Variants in PIP5K1C observed in about 807,000 individuals in gnomAD.
PIP5K1C encodes the protein phosphatidylinositol 4-phosphate 5-kinase type-1 gamma.
In PIP5K1C, 45 loss-of-function variants were observed where a neutral mutation model predicts 80.1. The observed-to-expected ratio is 0.56, with a 90% confidence interval of 0.44 to 0.72. The LOEUF (loss-of-function observed/expected upper bound fraction) is 0.72, where lower values mean the gene tolerates loss of function less well. PIP5K1C is among the 30% of genes least tolerant of loss of function. The probability of loss-of-function intolerance (pLI) is 0.00; values close to 1 mark genes in which losing one functional copy is unlikely to be tolerated. For synonymous variants in PIP5K1C, 498 were observed against 420.1 expected (o/e 1.19, Z -2.27); for missense variants, 753 against 954.6 (o/e 0.79, Z 2.78).
intron 5 of PIP5K1C, among the ~76,000 whole-genome samples, chr19:3,658,432 A>G (rs572140408): frequency 6.6e-6 from 1 of 152,128 alleles, no homozygotes; most frequent in African/African-American, 2.4e-5. Context: ...GCCCACAGCC[A>G]CGAGCCACAA....
chr19:3,682,198 G>A (rs1328519894), intron 1 of PIP5K1C, among the ~76,000 whole-genome samples: 2 of 151,714 alleles, frequency 1.3e-5, no homozygotes, highest in Non-Finnish European at 2.9e-5. Context: ...ACATGGTGAG[G>A]CCCCGTCTCT....
chr19:3,655,273 C>G (rs1263473270), intron 6 of PIP5K1C, among the ~76,000 whole-genome samples: 1 of 151,860 alleles, frequency 6.6e-6, no homozygotes, highest in African/African-American at 2.4e-5. Flanking sequence ...AAAAAAATAG[C>G]CAGGCGTGGT....
rs568168455 is a variant in PIP5K1C, at chr19:3,637,524, G to C, written c.1920+1360C>G. On this transcript the variant is annotated intron_variant, in intron 16 of 17. Transcript: ENST00000335312. The surrounding 1 kb of genome is among the most constrained non-coding windows in gnomAD (Gnocchi z 7.0). ...CCCCTTCTCCCCAGGGTGGCCGGCT[G>C]CGGTCACTTACAGTCCCCGAGGCGC... The C allele has an allele frequency of 6.5e-6, 10 of 1,535,554 alleles. No homozygotes were observed. Among genetic ancestry groups the C allele is most frequent in the Admixed American group, 2.0e-5 (1 of 50,978 alleles).
intron 8 of PIP5K1C, among the ~76,000 whole-genome samples, chr19:3,650,664 G>A (rs1225426815): frequency 6.6e-6 from 1 of 152,218 alleles, no homozygotes; most frequent in Non-Finnish European, 1.5e-5. Flanking sequence ...GGGCCTGCCT[G>A]GTCCCTCTGC....
intron 1 of PIP5K1C, among the ~76,000 whole-genome samples, chr19:3,678,835 TGGATGGAGGGAG>T (rs2035498403): frequency 3.2e-5 from 2 of 61,598 alleles, no homozygotes; most frequent in African/African-American, 1.3e-4. Flanking sequence ...GATGGCAAGA[TGGATGGAGGGAG>T]GGATGGAGGG....
rs150371071 is a variant in PIP5K1C, at chr19:3,673,150, C to T, written c.95-5797G>A. ...TCCCTGCCCTCTGCTCCTCCCTCTGCTCCAGCCACACGGGCCCTCGCTGTC... is the reference window on the plus strand; with the variant it reads ...TCCCTGCCCTCTGCTCCTCCCTCTGTTCCAGCCACACGGGCCCTCGCTGTC... On this transcript the variant is annotated intron_variant, in intron 1 of 17. Coordinates refer to ENST00000335312, the MANE Select transcript of PIP5K1C (RefSeq NM_012398.3). Among the ~76,000 whole-genome samples the T allele has an allele frequency of 2.8e-4, 43 of 152,244 alleles. No individual in the cohort carries two copies. In the East Asian group the frequency reaches 8.1e-3, roughly 29 times the overall value.
intron 7 of PIP5K1C, 47 bp from the exon 8 acceptor site, chr19:3,652,078 C>A: frequency 3.2e-6 from 5 of 1,582,074 alleles, no homozygotes; most frequent in South Asian, 1.1e-5. Flanking sequence ...CCGTCTCTAT[C>A]CCCCACAACG....
At chr19:3,654,059 C>T (rs1027043386) in intron 6 of PIP5K1C, among the ~76,000 whole-genome samples, 5 of 152,296 alleles carry the variant, frequency 3.3e-5, no homozygotes, top group Middle Eastern at 6.8e-3. Context: ...TGGAGTGCAA[C>T]GGTGCGATCA....
chr19:3,661,715 C>T (rs1432219486), intron 4 of PIP5K1C, among the ~76,000 whole-genome samples, 156 bp downstream of exon 4: 2 of 152,258 alleles, frequency 1.3e-5, no homozygotes, highest in Non-Finnish European at 1.5e-5. Flanking sequence ...AGCAAACAAA[C>T]GTCCTGACGG....
Position 3,633,168 on chromosome 19 carries a change from T to C in PIP5K1C, c.2006A>G (p.Ter669=). 1 of 768,176 alleles carries C rather than the reference T, an allele frequency of 1.3e-6. No individual in the cohort carries two copies. Among genetic ancestry groups the C allele is most frequent in the South Asian group, 1.4e-5 (1 of 72,640 alleles). 47.6% of individuals were successfully genotyped at this position (768,176 alleles called of 1,614,324 possible). A position where few individuals can be genotyped will look rare whatever the true frequency, so the allele number is the denominator to read the frequency against. Residue 669 remains the stop codon, a splice_region_variant and stop_retained_variant, in exon 18 of 18, where the codon TAA becomes TGA. Transcript: ENST00000335312. ...PPASDGESDT[*] ...TCTGGGTCGGGGGCTGCATAGAAAT[T>C]ACTGCAAGAGCAAGAGGACAGGTGA...
In PIP5K1C at chr19:3,688,051, C is replaced by G. The variant is rs2035821900; in HGVS notation, c.94+12246G>C. 6.6e-6 allele frequency among the ~76,000 whole-genome samples: 1 copy of G among 152,166 alleles called. No individual in the cohort carries two copies. The highest frequency in any genetic ancestry group is 2.1e-4 in the South Asian group (1 of 4,830). ...AGGTGGCGGGGCCGACGGGATGGGT[C>G]AGGGTGCACAGAGCACACGCCAGCC... On this transcript the variant is annotated intron_variant, in intron 1 of 17. Transcript: ENST00000335312. This position sits in a 1 kb window ranked among gnomAD's most constrained non-coding sequence, Gnocchi z 5.3.
At chr19:3,669,170 G>C (rs1383226140) in intron 1 of PIP5K1C, among the ~76,000 whole-genome samples, 1 of 152,198 alleles carries the variant, frequency 6.6e-6, no homozygotes, top group South Asian at 2.1e-4. Context: ...GGGGGTGCTG[G>C]GGCAGGCCCT....
At chr19:3,674,837 T>A (rs2035310344) in intron 1 of PIP5K1C, among the ~76,000 whole-genome samples, 1 of 152,096 alleles carries the variant, frequency 6.6e-6, no homozygotes, top group East Asian at 1.9e-4. Flanking sequence ...GGAGTTACAG[T>A]TTTTAATTCC....
intron 6 of PIP5K1C, among the ~76,000 whole-genome samples, chr19:3,653,973 C>T (rs1012913601): frequency 6.6e-6 from 1 of 151,626 alleles, no homozygotes; most frequent in African/African-American, 2.4e-5. Flanking sequence ...TATGTATATG[C>T]ACACACAAAC....
chr19:3,664,800 C>A (rs758312808), intron 3 of PIP5K1C, 22 bp downstream of exon 3: 1 of 1,591,796 alleles, frequency 6.3e-7, no homozygotes, highest in Non-Finnish European at 8.6e-7. Context: ...TCCCTCCAGC[C>A]AGCTAAGGGG....
At chr19:3,635,912 G>A (rs1004623859) in intron 16 of PIP5K1C, among the ~76,000 whole-genome samples, 2 of 151,554 alleles carry the variant, frequency 1.3e-5, no homozygotes, top group African/African-American at 4.8e-5. Flanking sequence ...CCCGGGAGGC[G>A]GAACTTGCAG....
At chr19:3,673,309 G>A (rs2035267976) in intron 1 of PIP5K1C, among the ~76,000 whole-genome samples, 1 of 152,040 alleles carries the variant, frequency 6.6e-6, no homozygotes, top group African/African-American at 2.4e-5. Flanking sequence ...TCACCCCTCA[G>A]AGGCCTCCTC....
intron 1 of PIP5K1C, among the ~76,000 whole-genome samples, chr19:3,694,130 T>A (rs943645384): frequency 2.1e-5 from 3 of 145,532 alleles, no homozygotes; most frequent in African/African-American, 7.7e-5. Flanking sequence ...GAGAATGGCG[T>A]GAACCCGGGA....
intron 1 of PIP5K1C, among the ~76,000 whole-genome samples, chr19:3,683,638 G>A (rs1489283850): frequency 6.6e-6 from 1 of 152,218 alleles, no homozygotes; most frequent in East Asian, 1.9e-4. Flanking sequence ...CAAAAATGTA[G>A]GGGTGGACGC....
Sources: gnomAD v4.1 joint callset for allele counts (sites outside exome capture counted in the v4.1 genomes callset) on GRCh38, gnomAD v4.1.1 for gene constraint, Gnocchi (gnomAD v3.1) non-coding constraint, MANE v1.5 for transcripts, NCBI Gene and HGNC (gene_info 2026-07-23, HGNC 2026-07-21) for gene names.